Variants in RTN1 observed in about 807,000 individuals in gnomAD.
RTN1 encodes the protein reticulon-1.
Under a neutral mutation model 65.5 loss-of-function variants are expected in RTN1, and 25 were observed. The observed-to-expected ratio is 0.38, with a 90% CI of 0.28 to 0.53. The LOEUF is 0.53. RTN1 is among the 20% of genes least tolerant of loss of function. RTN1 has a pLI of 0.79. For missense variants in RTN1, 983 were observed against 1,025.4 expected, an observed-to-expected ratio of 0.96 and a Z score of 0.57; for synonymous variants, 471 against 447.6, an observed-to-expected ratio of 1.05 and a Z score of -0.66.
At position 59,794,052 on chromosome 14, in the gene RTN1, G is replaced by A. The variant is rs144643645; in HGVS notation, c.242-47571C>T. The stretch of plus-strand genomic sequence containing the variant: ...AGTACCGGCCATGAATCTTGAGTTA[G>A]ACTGACCCTTCCTCCAGTCCTAGTG... On this transcript the variant is annotated intron_variant, in intron 1 of 8. Coordinates refer to ENST00000267484, the MANE Select transcript of RTN1 (RefSeq NM_021136.3). The surrounding 1 kb of genome is among the most constrained non-coding windows in gnomAD (Gnocchi z 5.1). Among the ~76,000 whole-genome samples the A allele has an allele frequency of 2.0e-3, 304 of 152,276 alleles. No homozygotes were observed. Among genetic ancestry groups the A allele is most frequent in the African/African-American group, 6.9e-3 (288 of 41,562 alleles).
At chr14:59,862,390 T>C (rs140829776) in intron 1 of RTN1, among the ~76,000 whole-genome samples, 7 of 152,316 alleles carry the variant, frequency 4.6e-5, no homozygotes, top group East Asian at 1.9e-4. Context: ...ACTCCTCCAA[T>C]GACCTTGTCA....
At chr14:59,627,300 T>C (rs1262951705) in intron 3 of RTN1, among the ~76,000 whole-genome samples, 1 of 152,220 alleles carries the variant, frequency 6.6e-6, no homozygotes. Flanking sequence ...GGTGGAGCAG[T>C]GGGAAGTGAG....
At chr14:59,807,918 A>G (rs1886665291) in intron 1 of RTN1, among the ~76,000 whole-genome samples, 1 of 152,238 alleles carries the variant, frequency 6.6e-6, no homozygotes, top group Non-Finnish European at 1.5e-5. Context: ...AATATACTCT[A>G]AAGTACAAAA....
At chr14:59,867,254 T>C (rs1340452158) in intron 1 of RTN1, among the ~76,000 whole-genome samples, 2 of 152,228 alleles carry the variant, frequency 1.3e-5, no homozygotes, top group African/African-American at 2.4e-5. Flanking sequence ...TAGTTTCCAG[T>C]AATAAAATAA....
At chr14:59,742,488 A>G (rs1458236876) in intron 2 of RTN1, among the ~76,000 whole-genome samples, 4 of 152,208 alleles carry the variant, frequency 2.6e-5, no homozygotes, top group Non-Finnish European at 4.4e-5. Flanking sequence ...ACCTCAGTGT[A>G]TATTATGTAG....
At position 59,643,284 on chromosome 14, in the gene RTN1, C is replaced by T. The variant is rs569039165; in HGVS notation, c.1766-35792G>A. Among the ~76,000 whole-genome samples, 67 of 152,298 alleles carry T rather than the reference C, an allele frequency of 4.4e-4. No individual in the cohort carries two copies. The Middle Eastern group carries it at 0.017, about 39-fold the overall frequency. On this transcript the variant is annotated intron_variant, in intron 3 of 8. Coordinates refer to ENST00000267484, the MANE Select transcript of RTN1 (RefSeq NM_021136.3). ...AAAATTCAGGCATGGTGCTGTGCAC[C>T]TGTAGTCCTAGCTATTTGGGAGGCT...
chr14:59,684,155 C>T (rs1437239017), intron 3 of RTN1, among the ~76,000 whole-genome samples: 2 of 151,976 alleles, frequency 1.3e-5, no homozygotes, highest in African/African-American at 4.8e-5. Context: ...CCTCACTCTT[C>T]TAACTTTTTT....
At chr14:59,642,155 T>C (rs1882794634) in intron 3 of RTN1, among the ~76,000 whole-genome samples, 2 of 152,214 alleles carry the variant, frequency 1.3e-5, no homozygotes, top group Non-Finnish European at 2.9e-5. Flanking sequence ...GCAATTTAAA[T>C]ATTTCATTCC....
At chr14:59,617,022 T>C (rs188565940) in intron 3 of RTN1, among the ~76,000 whole-genome samples, 129 of 152,366 alleles carry the variant, frequency 8.5e-4, no homozygotes, top group African/African-American at 3.0e-3. Flanking sequence ...TATTTGTTAA[T>C]ATTCTCAATT....
intron 3 of RTN1, among the ~76,000 whole-genome samples, chr14:59,633,952 T>C (rs1882608590): frequency 6.6e-6 from 1 of 152,226 alleles, no homozygotes; most frequent in African/African-American, 2.4e-5. Context: ...TCAACAAATA[T>C]TTATTGAGTA....
rs569482613 is a variant in RTN1 at position 59,869,586 on chromosome 14, G to A, written c.241+804C>T. On this transcript the variant is annotated intron_variant, in intron 1 of 8. Coordinates refer to ENST00000267484, the MANE Select transcript of RTN1 (RefSeq NM_021136.3). Reference sequence around the variant, plus strand: ...CCAGGGCAATTTCCGGGGTGGGGGGGGGGGGGCGCTTAGACTGCTGGTAAA... The same window carrying A: ...CCAGGGCAATTTCCGGGGTGGGGGGAGGGGGGCGCTTAGACTGCTGGTAAA... 4.5e-4 allele frequency among the ~76,000 whole-genome samples: 60 copies of A among 132,140 alleles called. 1 individual carries two copies. Among genetic ancestry groups the A allele is most frequent in the Admixed American group, 1.1e-3 (15 of 13,402 alleles). The allele number at this position is 132,140 out of a possible 152,430, so 86.7% of individuals were successfully genotyped here. A position where few individuals can be genotyped will look rare whatever the true frequency, so the allele number is the denominator to read the frequency against.
At chr14:59,660,160 T>C (rs1172896151) in intron 3 of RTN1, among the ~76,000 whole-genome samples, 1 of 152,108 alleles carries the variant, frequency 6.6e-6, no homozygotes, top group African/African-American at 2.4e-5. Context: ...TACATAATGG[T>C]AAATGGATCA....
chr14:59,711,116 T>G (rs1481123279), intron 3 of RTN1, among the ~76,000 whole-genome samples: 1 of 152,178 alleles, frequency 6.6e-6, no homozygotes, highest in Non-Finnish European at 1.5e-5. Context: ...ACCTTGTTTT[T>G]AATTGGGTTC....
At chr14:59,601,301 T>C (rs951564857) in intron 8 of RTN1, among the ~76,000 whole-genome samples, 2 of 152,118 alleles carry the variant, frequency 1.3e-5, no homozygotes, top group Non-Finnish European at 2.9e-5. Context: ...TGTTTACCCA[T>C]CCTTCAAGGC....
chr14:59,614,973 G>A (rs1882062636), intron 3 of RTN1, among the ~76,000 whole-genome samples: 1 of 152,204 alleles, frequency 6.6e-6, no homozygotes, highest in African/African-American at 2.4e-5. Context: ...TATAGCTTTT[G>A]TTAAAGGGAA....
chr14:59,842,403 A>G (rs937766847), intron 1 of RTN1, among the ~76,000 whole-genome samples: 63 of 152,340 alleles, frequency 4.1e-4, no homozygotes, highest in African/African-American at 1.4e-3. Flanking sequence ...ACAAGAATCT[A>G]GAACAGCCTT....
intron 3 of RTN1, among the ~76,000 whole-genome samples, chr14:59,610,535 T>C (rs1048773787): frequency 1.3e-5 from 2 of 152,224 alleles, no homozygotes; most frequent in Non-Finnish European, 2.9e-5. Flanking sequence ...AAAACCACCT[T>C]TGCAAAATTA....
At chr14:59,749,122 A>ATC (rs1566710831) in intron 1 of RTN1, among the ~76,000 whole-genome samples, 5,121 of 48,776 alleles carry the variant, frequency 0.1, 609 homozygotes, top group Admixed American at 0.15. Flanking sequence ...ATATATATAT[A>ATC]TAGATATATC....
At chr14:59,652,800 A>G (rs1244039381) in intron 3 of RTN1, among the ~76,000 whole-genome samples, 1 of 152,152 alleles carries the variant, frequency 6.6e-6, no homozygotes, top group East Asian at 1.9e-4. Context: ...GTACCCCCTG[A>G]ATCTAAAATA....
Sources: gnomAD v4.1 joint callset for allele counts (sites outside exome capture counted in the v4.1 genomes callset) on GRCh38, gnomAD v4.1.1 for gene constraint, Gnocchi (gnomAD v3.1) non-coding constraint, MANE v1.5 for transcripts, NCBI Gene and HGNC (gene_info 2026-07-23, HGNC 2026-07-21) for gene names.